Variants in MIB1 observed in about 807,000 individuals in gnomAD.
The protein encoded by MIB1 is E3 ubiquitin-protein ligase MIB1.
A neutral mutation model predicts 124.5 loss-of-function variants in MIB1; 278 were observed. The ratio of observed to expected loss-of-function variants is 2.23; its 90% CI spans 2.02 to 2.47. The LOEUF (loss-of-function observed/expected upper bound fraction) is 2.47. Ranked by LOEUF, MIB1 falls within the 30% of genes most tolerant of loss-of-function variation. The probability of loss-of-function intolerance (pLI) is 0.00; values close to 1 mark genes in which losing one functional copy is unlikely to be tolerated. For synonymous variants in MIB1, 446 were observed against 429.4 expected (o/e 1.04, Z -0.48); for missense variants, 957 against 1,254.4 (o/e 0.76, Z 3.58).
At chr18:21,765,291 A>G (rs932684087) in intron 1 of MIB1, among the ~76,000 whole-genome samples, 7 of 152,248 alleles carry the variant, frequency 4.6e-5, no homozygotes, top group Non-Finnish European at 1.0e-4. Context: ...TGACTATGGG[A>G]AAAACTTGTC....
chr18:21,837,247 G>A (rs772149549), intron 12 of MIB1, among the ~76,000 whole-genome samples: 2 of 152,162 alleles, frequency 1.3e-5, no homozygotes, highest in South Asian at 2.1e-4. Context: ...AGTGGCTCAC[G>A]CCTGTAATCC....
chr18:21,774,070 G>A (rs2041253210), intron 4 of MIB1, among the ~76,000 whole-genome samples: 1 of 152,132 alleles, frequency 6.6e-6, no homozygotes, highest in Non-Finnish European at 1.5e-5. Context: ...TGATATATTT[G>A]TATTCTGTGC....
chr18:21,745,651 C>G (rs1197005672), intron 1 of MIB1, among the ~76,000 whole-genome samples: 1 of 150,600 alleles, frequency 6.6e-6, no homozygotes, highest in Non-Finnish European at 1.5e-5. Context: ...TTAAACCTAC[C>G]CCATGGTGAG....
chr18:21,757,686 A>T (rs895617432), intron 1 of MIB1, among the ~76,000 whole-genome samples: 6 of 150,820 alleles, frequency 4.0e-5, no homozygotes, highest in African/African-American at 1.5e-4. Context: ...GGGTTTCACC[A>T]TGTTGACCAG....
At chr18:21,788,019 T>G (rs1233668420) in intron 6 of MIB1, among the ~76,000 whole-genome samples, 1 of 152,158 alleles carries the variant, frequency 6.6e-6, no homozygotes, top group African/African-American at 2.4e-5. Context: ...GCGAACCTCC[T>G]CTCTCCTTTT....
Position 21,741,723 on chromosome 18 carries a change from A to G in MIB1, c.140A>G (p.Glu47Gly), listed in dbSNP as rs1367378443. The change falls in exon 1 of 21, where the codon GAG (glutamate) becomes GGG (glycine). Residue 47 changes from glutamate to glycine, a missense_variant. Glu to Gly is a moderately conservative substitution (Grantham distance 98). Coordinates refer to ENST00000261537, the MANE Select transcript of MIB1 (RefSeq NM_020774.4). This position sits in a 1 kb window ranked among gnomAD's most constrained non-coding sequence, Gnocchi z 5.4. ...GTVRSFESPE[E>G]VVVVWDNGTA... ...GTCCGGAGCTTCGAGAGCCCCGAGG[A>G]GGTGGTGGTAGTGTGGGACAACGGC... The G allele has an allele frequency of 6.2e-7, 1 of 1,611,590 alleles. No individual in the cohort carries two copies. The highest frequency in any genetic ancestry group is 8.5e-7 in the Non-Finnish European group (1 of 1,179,396).
intron 1 of MIB1, among the ~76,000 whole-genome samples, chr18:21,726,042 C>G (rs1319223354): frequency 6.6e-6 from 1 of 152,046 alleles, no homozygotes; most frequent in African/African-American, 2.4e-5. Context: ...CAGAGATGTG[C>G]TAAAATCAGT....
intron 1 of MIB1, among the ~76,000 whole-genome samples, chr18:21,709,651 G>A (rs1019709946): frequency 6.6e-6 from 1 of 152,150 alleles, no homozygotes; most frequent in Non-Finnish European, 1.5e-5. Context: ...CAGTGTCTGT[G>A]GGGGGACATG....
chr18:21,822,371 TA>T (rs1423878135), intron 12 of MIB1, among the ~76,000 whole-genome samples: 5 of 152,228 alleles, frequency 3.3e-5, no homozygotes, highest in African/African-American at 4.8e-5. Context: ...AATTTACTTT[TA>T]TTTTTTTCAA....
chr18:21,842,508 TG>T (rs1168309434), intron 13 of MIB1, among the ~76,000 whole-genome samples: 1 of 152,220 alleles, frequency 6.6e-6, no homozygotes, highest in Non-Finnish European at 1.5e-5. Flanking sequence ...GACTCCCAAG[TG>T]CACTTATTTT....
rs1598612905 is a variant in MIB1 at position 21,791,493 on chromosome 18, A to G, written c.1028A>G (p.Tyr343Cys). 1 of 1,614,100 alleles carries G rather than the reference A, an allele frequency of 6.2e-7. No homozygotes were observed. The highest frequency in any genetic ancestry group is 1.1e-5 in the South Asian group (1 of 91,078). ...GTGGGTGATCTTGTACAAGTTTGTT[A>G]TGACCTGGAACGAATTAAACTTCTA... ...FQVGDLVQVC[Y>C]DLERIKLLQR... The change falls in exon 7 of 21, where the codon TAT (tyrosine) becomes TGT (cysteine). Residue 343 changes from tyrosine (Y) to cysteine (C), a missense_variant. Transcript: ENST00000261537.
At chr18:21,840,344 A>C (rs2042071727) in intron 13 of MIB1, among the ~76,000 whole-genome samples, 1 of 152,178 alleles carries the variant, frequency 6.6e-6, no homozygotes, top group Admixed American at 6.5e-5. Context: ...GTGCCAAAGT[A>C]ATATGGGAAA....
upstream of MIB1, among the ~76,000 whole-genome samples, chr18:21,739,863 G>C (rs903469386): frequency 6.6e-6 from 1 of 151,792 alleles, no homozygotes; most frequent in African/African-American, 2.4e-5. Context: ...TGCGGGGAAC[G>C]GAGATGGCGC....
chr18:21,820,833 C>CG (rs1369884366), intron 12 of MIB1, among the ~76,000 whole-genome samples: 3 of 152,204 alleles, frequency 2.0e-5, no homozygotes, highest in Non-Finnish European at 4.4e-5. Context: ...TTCAAGAACA[C>CG]GTAGCTGATT....
At chr18:21,727,780 G>A (rs958386952) in intron 1 of MIB1, among the ~76,000 whole-genome samples, 24 of 150,860 alleles carry the variant, frequency 1.6e-4, no homozygotes, top group African/African-American at 5.4e-4. Flanking sequence ...CCAGAGGTCA[G>A]GAATGGAAAA....
chr18:21,718,774 T>C (rs146112708), intron 1 of MIB1, among the ~76,000 whole-genome samples: 1,889 of 152,306 alleles, frequency 0.012, 20 homozygotes, highest in Non-Finnish European at 0.018. Context: ...CAAAGGACCA[T>C]GTGGGGCTGG....
chr18:21,735,129 G>C (rs893687518), intron 1 of MIB1, among the ~76,000 whole-genome samples: 1 of 152,204 alleles, frequency 6.6e-6, no homozygotes, highest in Admixed American at 6.5e-5. Flanking sequence ...CCCGTCTGCA[G>C]CTCCCAGCGA....
intron 1 of MIB1, among the ~76,000 whole-genome samples, chr18:21,748,375 C>A: frequency 1.1e-5 from 1 of 93,212 alleles, no homozygotes; most frequent in East Asian, 4.2e-4. Context: ...CTCCCTCTCT[C>A]CCCCCTCCCT....
intron 17 of MIB1, among the ~76,000 whole-genome samples, chr18:21,852,303 GAA>G (rs2042187040): frequency 6.6e-6 from 1 of 152,176 alleles, no homozygotes; most frequent in Non-Finnish European, 1.5e-5. Flanking sequence ...TCCATAGAGA[GAA>G]AGAGAGAGAG....
Sources: allele counts gnomAD v4.1 joint callset (sites outside exome capture counted in the v4.1 genomes callset), GRCh38; gene constraint gnomAD v4.1.1; non-coding constraint Gnocchi (gnomAD v3.1); transcripts MANE v1.5; gene names NCBI Gene and HGNC (gene_info 2026-07-23, HGNC 2026-07-21).